Variants in IGSF10 observed in about 807,000 individuals in gnomAD.
IGSF10 encodes immunoglobulin superfamily member 10, also known as calvaria mechanical force protein 608.
A neutral mutation model predicts 128.2 loss-of-function variants in IGSF10; 126 were observed. The ratio of observed to expected loss-of-function variants is 0.98; its 90% CI spans 0.85 to 1.14. The LOEUF is 1.14. IGSF10 is among the 50% of genes most tolerant of loss of function. The probability of loss-of-function intolerance (pLI) is 0.00; values close to 1 mark genes in which losing one functional copy is unlikely to be tolerated. For synonymous variants in IGSF10, 1,185 were observed against 1,146.2 expected (o/e 1.03, Z -0.68); for missense variants, 3,295 against 3,149.8 (o/e 1.05, Z -1.10).
At chr3:151,537,078 G>A in the IGSF10 span, among the ~76,000 whole-genome samples, 2 of 152,162 alleles carry the variant, frequency 1.3e-5, no homozygotes, top group Non-Finnish European at 2.9e-5. Context: ...GATTTGCAAG[G>A]ATTTAATATG....
the IGSF10 span, among the ~76,000 whole-genome samples, chr3:151,596,332 T>C: frequency 3.3e-5 from 5 of 152,124 alleles, no homozygotes; most frequent in Admixed American, 2.6e-4. Flanking sequence ...TATAATTAGA[T>C]GCGTCAGACA....
At chr3:151,538,765 A>G in the IGSF10 span, among the ~76,000 whole-genome samples, 1 of 152,226 alleles carries the variant, frequency 6.6e-6, no homozygotes, top group Non-Finnish European at 1.5e-5. Flanking sequence ...TAGTAGTCAC[A>G]GAACAATGTT....
chr3:151,609,612 G>A, the IGSF10 span, among the ~76,000 whole-genome samples: 1 of 151,880 alleles, frequency 6.6e-6, no homozygotes, highest in Non-Finnish European at 1.5e-5. Flanking sequence ...AACAGTGTAC[G>A]GATAAAGAAA....
chr3:151,617,646 A>T, the IGSF10 span, among the ~76,000 whole-genome samples: 66 of 152,130 alleles, frequency 4.3e-4, no homozygotes, highest in Non-Finnish European at 2.1e-4. Flanking sequence ...ATGTGAGGGT[A>T]GAATGAATCT....
At chr3:151,599,409 G>A in the IGSF10 span, among the ~76,000 whole-genome samples, 6 of 152,238 alleles carry the variant, frequency 3.9e-5, no homozygotes, top group African/African-American at 1.4e-4. Flanking sequence ...TTAAGCAGGG[G>A]AGTGACTGGT....
chr3:151,439,805 C>T lies in IGSF10; in HGVS notation c.5964-1208G>A, dbSNP rs148788038. On this transcript the variant is annotated intron_variant, in intron 7 of 7. Transcript: ENST00000282466. ...ATTACCAAATTTAACCACCAGATGG[C>T]AGATCTTTCCTGGTAAAACTAAATC... is the stretch of plus-strand genomic sequence containing the variant. 5.9e-5 allele frequency among the ~76,000 whole-genome samples: 9 copies of T among 152,296 alleles called. No individual in the cohort carries two copies. In the East Asian group the frequency reaches 1.7e-3, roughly 29 times the overall value.
intron 3 of IGSF10, among the ~76,000 whole-genome samples, chr3:151,457,904 G>A (rs1721874009): frequency 6.6e-6 from 1 of 152,110 alleles, no homozygotes; most frequent in Non-Finnish European, 1.5e-5. Flanking sequence ...GAAGTGAATA[G>A]TATATCTTAC....
chr3:151,595,675 C>T, the IGSF10 span, among the ~76,000 whole-genome samples: 1 of 148,506 alleles, frequency 6.7e-6, no homozygotes, highest in Non-Finnish European at 1.5e-5. Flanking sequence ...TGAAATTAGC[C>T]CCAGAAACAG....
chr3:151,439,730 T>C (rs1720723757), intron 7 of IGSF10, among the ~76,000 whole-genome samples: 1 of 152,252 alleles, frequency 6.6e-6, no homozygotes, highest in Non-Finnish European at 1.5e-5. Context: ...TAGATTGAGC[T>C]GTGTGGAATA....
At chr3:151,480,422 G>A in the IGSF10 span, among the ~76,000 whole-genome samples, 1 of 152,138 alleles carries the variant, frequency 6.6e-6, no homozygotes, top group Non-Finnish European at 1.5e-5. Context: ...CCTCATAGGT[G>A]TCCTTCACAG....
chr3:151,505,121 T>C, the IGSF10 span, among the ~76,000 whole-genome samples: 1 of 152,224 alleles, frequency 6.6e-6, no homozygotes, highest in African/African-American at 2.4e-5. Flanking sequence ...ATTTACTTTA[T>C]TAGTTCGTTC....
the IGSF10 span, among the ~76,000 whole-genome samples, chr3:151,501,545 T>TA: frequency 6.6e-6 from 1 of 152,072 alleles, no homozygotes; most frequent in African/African-American, 2.4e-5. Context: ...TTCTAAGTGT[T>TA]AGAGTATTTC....
At chr3:151,566,190 C>G in the IGSF10 span, among the ~76,000 whole-genome samples, 1 of 152,116 alleles carries the variant, frequency 6.6e-6, no homozygotes, top group East Asian at 2.0e-4. Context: ...AATCAGAAAT[C>G]TGACCAAATA....
upstream of IGSF10, among the ~76,000 whole-genome samples, chr3:151,465,043 T>C (rs1035921143): frequency 2.6e-5 from 4 of 152,230 alleles, no homozygotes; most frequent in African/African-American, 9.6e-5. Context: ...TATAAGTCCA[T>C]GGACTCTGGA....
downstream of IGSF10, chr3:151,435,972 A>AGTTATAAAGAAGTTTCATT (rs1720132049): frequency 6.6e-6 from 1 of 152,152 alleles, no homozygotes; most frequent in Non-Finnish European, 1.5e-5. Context: ...TAGATTTTAA[A>AGTTATAAAGAAGTTTCATT]GTTATAAAGA....
At chr3:151,587,652 G>C in the IGSF10 span, among the ~76,000 whole-genome samples, 2 of 152,090 alleles carry the variant, frequency 1.3e-5, no homozygotes, top group African/African-American at 4.8e-5. Context: ...ATATTGATAT[G>C]GTTTGGCTGT....
At chr3:151,499,149 G>A in the IGSF10 span, among the ~76,000 whole-genome samples, 2 of 152,118 alleles carry the variant, frequency 1.3e-5, no homozygotes, top group African/African-American at 4.8e-5. Flanking sequence ...CTTTGGCTAT[G>A]TATTTCATCT....
chr3:151,494,925 G>A, the IGSF10 span, among the ~76,000 whole-genome samples: 1 of 152,002 alleles, frequency 6.6e-6, no homozygotes, highest in African/African-American at 2.4e-5. Flanking sequence ...AACCTTCTGG[G>A]AAAGGCTTAT....
chr3:151,444,558 C>A (rs898708520), intron 6 of IGSF10, among the ~76,000 whole-genome samples: 2 of 152,180 alleles, frequency 1.3e-5, no homozygotes, highest in Non-Finnish European at 1.5e-5. Flanking sequence ...AATCCACCCA[C>A]CTTGGCCTCC....
Sources: gnomAD v4.1 joint callset for allele counts (sites outside exome capture counted in the v4.1 genomes callset) on GRCh38, gnomAD v4.1.1 for gene constraint, MANE v1.5 for transcripts, NCBI Gene and HGNC (gene_info 2026-07-23, HGNC 2026-07-21) for gene names.